The following IMMP2L variants were observed in gnomAD, a reference collection of about 807,000 sequenced individuals.
IMMP2L encodes inner mitochondrial membrane peptidase subunit 2.
A neutral mutation model predicts 19.3 loss-of-function variants in IMMP2L; 18 were observed. The observed-to-expected ratio is 0.93, with a 90% CI of 0.64 to 1.38. The LOEUF is 1.38. Ranked by LOEUF, IMMP2L falls within the 40% of genes most tolerant of loss-of-function variation. The pLI is 0.00. For missense variants in IMMP2L, 233 were observed against 218.2 expected, an observed-to-expected ratio of 1.07 and a Z score of -0.43; for synonymous variants, 76 against 73.0, an observed-to-expected ratio of 1.04 and a Z score of -0.21.
At chr7:111,095,621 C>T (rs1797318276) in intron 3 of IMMP2L, among the ~76,000 whole-genome samples, 1 of 151,844 alleles carries the variant, frequency 6.6e-6, no homozygotes, top group African/African-American at 2.4e-5. Flanking sequence ...TAGAGTTTTG[C>T]CCTGTTTTTA....
intron 3 of IMMP2L, among the ~76,000 whole-genome samples, chr7:111,290,426 C>T (rs565361367): frequency 2.8e-4 from 43 of 151,436 alleles, no homozygotes; most frequent in Non-Finnish European, 5.3e-4. Flanking sequence ...TTTGTATATT[C>T]GTTGGAATGT....
chr7:111,261,606 T>G (rs1037137402), intron 3 of IMMP2L, among the ~76,000 whole-genome samples: 36 of 151,958 alleles, frequency 2.4e-4, no homozygotes, highest in African/African-American at 8.5e-4. Context: ...TAACATAACA[T>G]GTAAATGATA....
Position 111,296,108 on chromosome 7 carries a change from T to C in IMMP2L, c.239+191130A>G, listed in dbSNP as rs539030737. Among the ~76,000 whole-genome samples, 264 of 151,588 alleles carry C rather than the reference T, an allele frequency of 1.7e-3. 1 individual carries two copies. The highest frequency in any genetic ancestry group is 5.7e-3 in the African/African-American group (238 of 41,430). On this transcript the variant is annotated intron_variant, in intron 3 of 5. Coordinates refer to ENST00000405709, the MANE Select transcript of IMMP2L (RefSeq NM_032549.4). ...AAAATGAAAAAGGCCATCTATATAA[T>C]AGGAGAAAATATTTGCAATAAGTAT...
intron 3 of IMMP2L, among the ~76,000 whole-genome samples, chr7:111,373,565 A>G (rs1000939669): frequency 6.6e-6 from 1 of 152,034 alleles, no homozygotes; most frequent in Non-Finnish European, 1.5e-5. Flanking sequence ...AGACATTTCA[A>G]TTTGTCTGTT....
rs188967432 is a variant in IMMP2L at position 111,399,156 on chromosome 7, A to T, written c.239+88082T>A. 4.6e-5 allele frequency among the ~76,000 whole-genome samples: 7 copies of T among 152,242 alleles called. No homozygotes were observed. In the East Asian group the frequency reaches 1.2e-3, roughly 25 times the overall value. ...TTCTAAAATTCATATGGAACCAAAA[A>T]AGAGCCTGCATAGCCAAAGCAAGAC... On this transcript the variant is annotated intron_variant, in intron 3 of 5. Coordinates refer to ENST00000405709, the MANE Select transcript of IMMP2L (RefSeq NM_032549.4).
At chr7:111,507,648 G>A (rs1205385022) in intron 2 of IMMP2L, among the ~76,000 whole-genome samples, 1 of 152,000 alleles carries the variant, frequency 6.6e-6, no homozygotes. Context: ...TTAGGTTTTT[G>A]TTATAGTATC....
At chr7:110,950,841 C>CAT (rs34797718) in intron 4 of IMMP2L, among the ~76,000 whole-genome samples, 27,425 of 99,904 alleles carry the variant, frequency 0.27, 3,829 homozygotes, top group Admixed American at 0.37. Flanking sequence ...CAAAATGTGG[C>CAT]ATATATATAT....
At chr7:111,034,192 A>G (rs1791112681) in intron 3 of IMMP2L, among the ~76,000 whole-genome samples, 1 of 152,172 alleles carries the variant, frequency 6.6e-6, no homozygotes, top group African/African-American at 2.4e-5. Flanking sequence ...TGCAGCAATC[A>G]CGTATTCAAT....
At chr7:111,490,679 T>C (rs749851303) in intron 2 of IMMP2L, among the ~76,000 whole-genome samples, 6 of 152,146 alleles carry the variant, frequency 3.9e-5, no homozygotes, top group Non-Finnish European at 8.8e-5. Context: ...TTTCTAGTTA[T>C]ATGATCTTCA....
At chr7:110,846,409 A>G (rs1408972222) in intron 5 of IMMP2L, among the ~76,000 whole-genome samples, 1 of 142,202 alleles carries the variant, frequency 7.0e-6, no homozygotes, top group Non-Finnish European at 1.5e-5. Flanking sequence ...TTCGTCACCC[A>G]GGCTGGAGTG....
intron 3 of IMMP2L, among the ~76,000 whole-genome samples, chr7:111,355,133 C>G (rs1269795714): frequency 6.6e-6 from 1 of 151,766 alleles, no homozygotes; most frequent in Non-Finnish European, 1.5e-5. Context: ...TACTCTAAAA[C>G]TGACAGTTTT....
At chr7:110,982,965 A>G (rs1821458386) in intron 3 of IMMP2L, among the ~76,000 whole-genome samples, 1 of 152,084 alleles carries the variant, frequency 6.6e-6, no homozygotes, top group Non-Finnish European at 1.5e-5. Flanking sequence ...CATTAATTAT[A>G]ACCCCCTTAA....
intron 3 of IMMP2L, among the ~76,000 whole-genome samples, chr7:111,281,155 ACAG>A (rs1819706373): frequency 2.5e-5 from 1 of 40,446 alleles, no homozygotes; most frequent in Non-Finnish European, 4.6e-5. Context: ...AGACAGAAAG[ACAG>A]AAAGAAAGAA....
chr7:111,405,819 C>T (rs1432471823), intron 3 of IMMP2L, among the ~76,000 whole-genome samples: 1 of 152,050 alleles, frequency 6.6e-6, no homozygotes, highest in Non-Finnish European at 1.5e-5. Context: ...ATGTAGCTTA[C>T]CACCTATTAA....
At chr7:111,139,689 T>G (rs1802686973) in intron 3 of IMMP2L, among the ~76,000 whole-genome samples, 1 of 152,148 alleles carries the variant, frequency 6.6e-6, no homozygotes, top group Admixed American at 6.5e-5. Flanking sequence ...ATAGTGTCTA[T>G]TCACTTTATA....
chr7:110,997,682 C>T (rs1823187088), intron 3 of IMMP2L, among the ~76,000 whole-genome samples: 1 of 151,344 alleles, frequency 6.6e-6, no homozygotes, highest in Admixed American at 6.6e-5. Context: ...TTTTTCTGTT[C>T]GTGTCTTTTG....
chr7:110,956,534 G>A (rs1305234591), intron 4 of IMMP2L, among the ~76,000 whole-genome samples: 1 of 151,892 alleles, frequency 6.6e-6, no homozygotes, highest in Non-Finnish European at 1.5e-5. Flanking sequence ...TTCTTTAGTA[G>A]GGCAACCATT....
At chr7:111,015,659 G>A (rs1392604495) in intron 3 of IMMP2L, among the ~76,000 whole-genome samples, 1 of 152,254 alleles carries the variant, frequency 6.6e-6, no homozygotes, top group Admixed American at 6.5e-5. Context: ...ATTGGCAGTT[G>A]CTTAGAGCTG....
intron 3 of IMMP2L, among the ~76,000 whole-genome samples, chr7:111,252,123 T>C (rs763362221): frequency 1.1e-4 from 17 of 151,964 alleles, no homozygotes; most frequent in Admixed American, 3.9e-4. Context: ...AAATAGGTCA[T>C]TTGGGAGCAT....
Sources: gnomAD v4.1 joint callset for allele counts (sites outside exome capture counted in the v4.1 genomes callset) on GRCh38, gnomAD v4.1.1 for gene constraint, MANE v1.5 for transcripts, NCBI Gene and HGNC (gene_info 2026-07-23, HGNC 2026-07-21) for gene names.